The following ADAMTSL1 variants were observed in gnomAD, a reference collection of about 807,000 sequenced individuals.
ADAMTSL1 encodes ADAMTS-like protein 1.
A neutral mutation model predicts 201.8 loss-of-function variants in ADAMTSL1; 126 were observed. The ratio of observed to expected loss-of-function variants is 0.62; its 90% confidence interval spans 0.54 to 0.72. ADAMTSL1 has a LOEUF of 0.72. Among genes scored for constraint, ADAMTSL1 ranks in the 30% least tolerant of loss-of-function variants. The probability of loss-of-function intolerance (pLI) is 0.00; values close to 1 mark genes in which losing one functional copy is unlikely to be tolerated. For missense variants in ADAMTSL1, 2,679 were observed against 2,277.8 expected (o/e 1.18, Z -3.59); for synonymous variants, 1,121 against 903.4 (o/e 1.24, Z -4.32).
chr9:18,574,894 G>A (rs1328499832), intron 4 of ADAMTSL1, among the ~76,000 whole-genome samples: 1 of 152,140 alleles, frequency 6.6e-6, no homozygotes, highest in Non-Finnish European at 1.5e-5. Flanking sequence ...AGGTGAAAAA[G>A]GGTTTGTATG....
chr9:18,899,656 C>G (rs1031234500), intron 26 of ADAMTSL1, among the ~76,000 whole-genome samples: 1 of 152,160 alleles, frequency 6.6e-6, no homozygotes, highest in Non-Finnish European at 1.5e-5. Context: ...ACCATCTGAT[C>G]TTTGACAAAC....
At position 18,688,704 on chromosome 9, in the gene ADAMTSL1, A is replaced by ATATATATATATATC. The variant is rs138160150; in HGVS notation, c.1574+3909_1574+3910insATATATATCTATAT. Among the ~76,000 whole-genome samples, 641 of 72,280 alleles carry ATATATATATATATC rather than the reference A, an allele frequency of 8.9e-3. 37 individuals carry two copies. The highest frequency in any genetic ancestry group is 0.019 in the African/African-American group (337 of 17,704). The allele number at this position is 72,280 out of a possible 152,430, so 47.4% of individuals were successfully genotyped here. The stretch of plus-strand genomic sequence containing the variant: ...AAAAAAAAAAAATATATATATATAT[A>ATATATATATATATC]TATATGACTGTGACTAAGAATGCCT... On this transcript the variant is annotated intron_variant, in intron 13 of 28. Coordinates refer to ENST00000380548, the MANE Select transcript of ADAMTSL1 (RefSeq NM_001040272.6).
chr9:18,827,932 T>C (rs1190943921), intron 22 of ADAMTSL1, among the ~76,000 whole-genome samples: 1 of 152,240 alleles, frequency 6.6e-6, no homozygotes, highest in African/African-American at 2.4e-5. Flanking sequence ...TTTTAGCAGG[T>C]ACTTTATGAA....
At chr9:18,439,566 C>T (rs1447345705) in intron 2 of ADAMTSL1, among the ~76,000 whole-genome samples, 1 of 152,178 alleles carries the variant, frequency 6.6e-6, no homozygotes, top group Non-Finnish European at 1.5e-5. Context: ...GGGATTTCAC[C>T]ATGTTCGCCA....
chr9:18,203,186 C>A (rs1339769129), intron 2 of ADAMTSL1, among the ~76,000 whole-genome samples: 2 of 152,120 alleles, frequency 1.3e-5, no homozygotes, highest in Non-Finnish European at 2.9e-5. Flanking sequence ...AGGCTCCCTG[C>A]TGAAGTCTAG....
In ADAMTSL1 at chr9:18,661,895, C is replaced by T. The variant is rs184592772; in HGVS notation, c.947-40C>T. The T allele has an allele frequency of 4.0e-3, 6,301 of 1,593,298 alleles. 46 individuals carry two copies. The highest frequency in any genetic ancestry group is 8.7e-3 in the Middle Eastern group (52 of 5,956). ...TGCATAAAGAAATATATTGCATTGG[C>T]ATGTACATTTAAACTTGCCTGGATG... On this transcript the variant is annotated intron_variant, in intron 8 of 28. Transcript: ENST00000380548.
In ADAMTSL1 at chr9:18,681,818, G is replaced by C. The variant is rs773509373; in HGVS notation, c.1348G>C (p.Val450Leu). Residue 450 changes from valine to leucine, a missense_variant, in exon 12 of 29, where the codon GTG becomes CTG. By Grantham distance (32) the Val-to-Leu change is conservative. Transcript: ENST00000380548. ...TCTTGCAATCTCTTTCCAGTGCACA[G>C]TGACATGTGGCCAGGGCCTCAGATA... ...WLAQEWSPCT[V>L]TCGQGLRYRV... 3.1e-6 allele frequency: 5 copies of C among 1,611,880 alleles called. No homozygotes were observed. Among genetic ancestry groups the C allele is most frequent in the Middle Eastern group, 1.7e-4 (1 of 6,054 alleles).
chr9:18,585,336 T>A (rs1823413511), intron 4 of ADAMTSL1, among the ~76,000 whole-genome samples: 1 of 152,196 alleles, frequency 6.6e-6, no homozygotes, highest in Non-Finnish European at 1.5e-5. Context: ...GATGAGTTTG[T>A]TTTCCCAAAG....
chr9:18,013,955 C>T (rs372023705), intron 1 of ADAMTSL1, among the ~76,000 whole-genome samples: 102 of 152,062 alleles, frequency 6.7e-4, no homozygotes, highest in African/African-American at 2.3e-3. Context: ...AAAAGAGAAC[C>T]TGGGGGCAGT....
intron 4 of ADAMTSL1, among the ~76,000 whole-genome samples, chr9:18,599,996 C>CAAAAAAAAAAAAAAAA: frequency 1.2e-5 from 1 of 86,952 alleles, no homozygotes; most frequent in Non-Finnish European, 2.1e-5. Context: ...ACTAAAAATA[C>CAAAAAAAAAAAAAAAA]AAAAAAAAAA....
intron 2 of ADAMTSL1, among the ~76,000 whole-genome samples, chr9:18,356,173 C>T (rs1351577333): frequency 6.6e-6 from 1 of 152,210 alleles, no homozygotes; most frequent in Non-Finnish European, 1.5e-5. Context: ...AAGGCAGGAA[C>T]ATCCCCTCAA....
intron 4 of ADAMTSL1, among the ~76,000 whole-genome samples, chr9:18,595,477 C>A (rs1027723030): frequency 1.3e-5 from 2 of 151,938 alleles, no homozygotes; most frequent in Non-Finnish European, 2.9e-5. Flanking sequence ...AAAGTAAGTT[C>A]CTGCACAGGT....
intron 2 of ADAMTSL1, among the ~76,000 whole-genome samples, chr9:18,236,658 C>A (rs1175045981): frequency 6.6e-6 from 1 of 152,126 alleles, no homozygotes; most frequent in Admixed American, 6.6e-5. Context: ...AATTCAGTAT[C>A]TATTGATACA....
At chr9:18,830,800 C>T (rs534357851) in intron 23 of ADAMTSL1, among the ~76,000 whole-genome samples, 3 of 152,308 alleles carry the variant, frequency 2.0e-5, no homozygotes, top group African/African-American at 7.2e-5. Context: ...GTACCTTCCT[C>T]TTGTGCTGTG....
At chr9:18,154,869 A>G (rs897018379) in intron 1 of ADAMTSL1, among the ~76,000 whole-genome samples, 3 of 152,078 alleles carry the variant, frequency 2.0e-5, no homozygotes, top group African/African-American at 7.2e-5. Context: ...TGAGATACTG[A>G]GTAAATATTT....
rs182352063 is a variant in ADAMTSL1, at chr9:18,897,428, A to C, written c.4851+4832A>C. On this transcript the variant is annotated intron_variant, in intron 26 of 28. Coordinates refer to ENST00000380548, the MANE Select transcript of ADAMTSL1 (RefSeq NM_001040272.6). ...CCCTCCTGACTGGGTGAGACCTCCC[A>C]ACAGGGGTCTCCAGACACCTCCTAC... is the stretch of plus-strand genomic sequence containing the variant. Among the ~76,000 whole-genome samples the C allele has an allele frequency of 1.4e-3, 214 of 152,198 alleles. 1 individual carries two copies. The East Asian group carries it at 0.037, about 27-fold the overall frequency.
chr9:18,774,935 G>A lies in ADAMTSL1; in HGVS notation c.2398-808G>A, dbSNP rs184971137. 4.6e-3 allele frequency among the ~76,000 whole-genome samples: 704 copies of A among 152,212 alleles called. 24 individuals carry two copies. The highest frequency in any genetic ancestry group is 0.041 in the Admixed American group (629 of 15,292). On this transcript the variant is annotated intron_variant, in intron 17 of 28. Transcript: ENST00000380548. ...TTGCTAGGTCTCATGGTAAATTTAC[G>A]TTTAACTTTGTAAGAAACTACCAAT...
chr9:18,097,801 A>G (rs1296602089), intron 1 of ADAMTSL1, among the ~76,000 whole-genome samples: 1 of 151,876 alleles, frequency 6.6e-6, no homozygotes, highest in Non-Finnish European at 1.5e-5. Flanking sequence ...GATTCTTTAC[A>G]TATTCCAGAT....
chr9:18,709,201 G>C (rs929853432), intron 14 of ADAMTSL1, among the ~76,000 whole-genome samples: 2 of 152,070 alleles, frequency 1.3e-5, no homozygotes, highest in East Asian at 3.9e-4. Context: ...AAATATGCTT[G>C]GGTTATATGG....
Sources: allele counts gnomAD v4.1 joint callset (sites outside exome capture counted in the v4.1 genomes callset), GRCh38; gene constraint gnomAD v4.1.1; transcripts MANE v1.5; gene names NCBI Gene and HGNC (gene_info 2026-07-23, HGNC 2026-07-21).